The following NUP155 variants were observed in gnomAD, a reference collection of about 807,000 sequenced individuals.
NUP155 encodes the protein nuclear pore complex protein Nup155.
A neutral mutation model predicts 180.4 loss-of-function variants in NUP155; 71 were observed. That is an observed-to-expected ratio of 0.39 (90% confidence interval 0.33 to 0.48). The LOEUF (loss-of-function observed/expected upper bound fraction) is 0.48. Ranked by LOEUF, NUP155 falls within the 20% of genes least tolerant of loss-of-function variation. The pLI, the probability that NUP155 is intolerant of heterozygous loss-of-function variation, is 0.91. For synonymous variants in NUP155, 582 were observed against 559.5 expected, an observed-to-expected ratio of 1.04 and a Z score of -0.57; for missense variants, 1,553 against 1,648.9, an observed-to-expected ratio of 0.94 and a Z score of 1.01.
intron 20 of NUP155, among the ~76,000 whole-genome samples, chr5:37,319,985 C>A (rs1187352767): frequency 1.3e-5 from 2 of 151,580 alleles, no homozygotes; most frequent in African/African-American, 4.9e-5. Flanking sequence ...GAGTTTTAGA[C>A]CAGCCTGGGC....
intron 1 of NUP155, among the ~76,000 whole-genome samples, chr5:37,368,549 G>A (rs1258113547): frequency 6.6e-6 from 1 of 151,892 alleles, no homozygotes; most frequent in African/African-American, 2.4e-5. Flanking sequence ...GCTGGGCACA[G>A]TGGGTGACAC....
intron 3 of NUP155, among the ~76,000 whole-genome samples, chr5:37,360,642 C>T (rs987897274): frequency 1.3e-5 from 2 of 150,894 alleles, no homozygotes; most frequent in East Asian, 2.0e-4. Context: ...AAAAATTAGC[C>T]GGGTGTGGTG....
intron 9 of NUP155, among the ~76,000 whole-genome samples, chr5:37,346,700 G>A (rs1176273466): frequency 1.3e-5 from 2 of 151,864 alleles, no homozygotes; most frequent in Admixed American, 6.6e-5. Context: ...GAGAGAGAGC[G>A]TTTGCAGCTT....
chr5:37,323,938 CA>C, intron 20 of NUP155, 53 bp downstream of exon 20: 2 of 1,289,594 alleles, frequency 1.6e-6, no homozygotes, highest in Non-Finnish European at 2.2e-6. Flanking sequence ...ATCATCTCAA[CA>C]AAAAATACAA....
chr5:37,359,141 TTATATA>T (rs35639229), intron 3 of NUP155, among the ~76,000 whole-genome samples: 2 of 149,156 alleles, frequency 1.3e-5, no homozygotes, highest in African/African-American at 2.5e-5. Flanking sequence ...TATGAAAAAT[TTATATA>T]TATATATAAC....
In NUP155 at chr5:37,350,206, A is replaced by G. The variant is rs1021044557; in HGVS notation, c.783T>C (p.Leu261=). Residue 261 remains leucine, a synonymous_variant, in exon 7 of 35, where the codon CTT becomes CTC. Coordinates refer to ENST00000231498, the MANE Select transcript of NUP155 (RefSeq NM_153485.3). ...GTAGCAAGGAAGGAACAAGGAAAGA[A>G]AGTGAGCTCTTTGAGTGGTTTATTT... ...CRKINHSKSS[L]SFLVPSLLQF... is the part of the protein sequence containing the mutation. 3 of 1,613,980 alleles carry G rather than the reference A, an allele frequency of 1.9e-6. No individual in the cohort carries two copies. The Admixed American group carries it at 5.0e-5, about 27-fold the overall frequency.
intron 3 of NUP155, among the ~76,000 whole-genome samples, chr5:37,361,351 A>T (rs1280892886): frequency 6.6e-6 from 1 of 152,012 alleles, no homozygotes; most frequent in Non-Finnish European, 1.5e-5. Flanking sequence ...AAAAAATTCT[A>T]AAAATAATAG....
intron 10 of NUP155, chr5:37,342,254 T>G (rs1206707981): frequency 6.9e-6 from 2 of 288,956 alleles, no homozygotes; most frequent in Non-Finnish European, 1.3e-5. Context: ...ACCATGTTGC[T>G]CAGGTTAGTC....
chr5:37,367,425 G>C (rs1025225245), intron 1 of NUP155, among the ~76,000 whole-genome samples: 6 of 151,756 alleles, frequency 4.0e-5, no homozygotes, highest in African/African-American at 1.2e-4. Context: ...ATGATGGCCA[G>C]GCTAGTCTCA....
At chr5:37,313,424 T>C (rs1206654997) in intron 22 of NUP155, among the ~76,000 whole-genome samples, 2 of 149,760 alleles carry the variant, frequency 1.3e-5, no homozygotes, top group Non-Finnish European at 3.0e-5. Flanking sequence ...AGACTCCATC[T>C]CTTAAAAAAA....
intron 27 of NUP155, among the ~76,000 whole-genome samples, chr5:37,304,100 A>G (rs995315869): frequency 7.2e-5 from 11 of 151,784 alleles, no homozygotes; most frequent in Non-Finnish European, 1.5e-4. Context: ...AGATATAAAA[A>G]TTAGCTGTGC....
intron 12 of NUP155, among the ~76,000 whole-genome samples, chr5:37,334,646 A>C (rs975475975): frequency 6.6e-6 from 1 of 152,142 alleles, no homozygotes. Flanking sequence ...CTCTTTCCAA[A>C]GTGCTAGGAT....
intron 12 of NUP155, 101 bp from the exon 13 acceptor site, chr5:37,333,734 CA>C: frequency 3.9e-6 from 3 of 763,646 alleles, no homozygotes; most frequent in Non-Finnish European, 2.2e-6. Context: ...ATAAATAGTA[CA>C]TTAACATGAA....
intron 18 of NUP155, 146 bp downstream of exon 18, chr5:37,327,483 T>A (rs1348883192): frequency 1.3e-6 from 1 of 773,560 alleles, no homozygotes; most frequent in Non-Finnish European, 2.2e-6. Flanking sequence ...AAAACTGGAA[T>A]AATAGAAAAG....
At chr5:37,346,380 A>C (rs1187643235) in intron 9 of NUP155, among the ~76,000 whole-genome samples, 1 of 152,152 alleles carries the variant, frequency 6.6e-6, no homozygotes, top group African/African-American at 2.4e-5. Flanking sequence ...TTATAAAAAG[A>C]GTGTTTGCAG....
chr5:37,349,151 T>C (rs369390221), intron 8 of NUP155, 21 bp downstream of exon 8: 84 of 561,670 alleles, frequency 1.5e-4, no homozygotes, highest in Non-Finnish European at 2.4e-4. Flanking sequence ...CTCTTAATGG[T>C]ATAATAATAT....
intron 18 of NUP155, 98 bp downstream of exon 18, chr5:37,327,531 A>T (rs1744680199): frequency 2.2e-6 from 3 of 1,372,008 alleles, no homozygotes; most frequent in Non-Finnish European, 3.1e-6. Context: ...CTAAAATTTA[A>T]TAGGAATAAA....
At chr5:37,352,145 C>T (rs1746504821) in intron 5 of NUP155, among the ~76,000 whole-genome samples, 1 of 152,104 alleles carries the variant, frequency 6.6e-6, no homozygotes, top group African/African-American at 2.4e-5. Flanking sequence ...ATCACGAGGT[C>T]AGGAGTTCAA....
chr5:37,324,936 G>A (rs529447657), intron 19 of NUP155, among the ~76,000 whole-genome samples: 1 of 151,844 alleles, frequency 6.6e-6, no homozygotes, highest in African/African-American at 2.4e-5. Context: ...GATCATTTGA[G>A]GTCAGGAGTT....
Sources: allele counts gnomAD v4.1 joint callset (sites outside exome capture counted in the v4.1 genomes callset), GRCh38; gene constraint gnomAD v4.1.1; transcripts MANE v1.5; gene names NCBI Gene and HGNC (gene_info 2026-07-23, HGNC 2026-07-21).